LRBA: variants seen among roughly 807,000 people sequenced by gnomAD.
The protein encoded by LRBA is LPS responsive beige-like anchor protein, also known as lipopolysaccharide-responsive and beige-like anchor protein.
Under a neutral mutation model 330.0 loss-of-function variants are expected in LRBA, and 176 were observed. The observed-to-expected ratio is 0.53, with a 90% CI of 0.47 to 0.60. The LOEUF (loss-of-function observed/expected upper bound fraction) is 0.60, where lower values mean the gene tolerates loss of function less well. LRBA is among the 20% of genes least tolerant of loss of function. LRBA has a pLI of 0.00. For synonymous variants in LRBA, 1,230 were observed against 1,193.0 expected, an observed-to-expected ratio of 1.03 and a Z score of -0.64; for missense variants, 3,259 against 3,444.8, an observed-to-expected ratio of 0.95 and a Z score of 1.35.
At chr4:150,689,005 C>G (rs1783870321) in intron 36 of LRBA, among the ~76,000 whole-genome samples, 1 of 152,188 alleles carries the variant, frequency 6.6e-6, no homozygotes. Flanking sequence ...AAGACACATA[C>G]ACAGGTATGT....
chr4:150,661,611 T>C (rs1781112544), intron 37 of LRBA, among the ~76,000 whole-genome samples: 1 of 152,010 alleles, frequency 6.6e-6, no homozygotes, highest in Non-Finnish European at 1.5e-5. Context: ...CATCATGTTT[T>C]ATTTTATTTT....
intron 37 of LRBA, among the ~76,000 whole-genome samples, chr4:150,637,333 T>C (rs1778025495): frequency 1.3e-5 from 2 of 152,218 alleles, no homozygotes. Flanking sequence ...TTAATTACTG[T>C]ATCTTTAAGT....
At chr4:150,897,898 C>T (rs1257795391) in intron 14 of LRBA, 80 bp from the exon 15 acceptor site, 1 of 907,340 alleles carries the variant, frequency 1.1e-6, no homozygotes, top group South Asian at 1.5e-5. Flanking sequence ...TCATTCCCAA[C>T]AGCTTTTCCA....
At chr4:150,872,838 T>C (rs1753592004) in intron 17 of LRBA, 83 bp from the exon 18 acceptor site, 3 of 585,308 alleles carry the variant, frequency 5.1e-6, no homozygotes, top group Admixed American at 6.9e-5. Context: ...TTTCATATTA[T>C]TATAAATCTA....
At chr4:150,664,799 G>A (rs1781427164) in intron 37 of LRBA, among the ~76,000 whole-genome samples, 1 of 152,124 alleles carries the variant, frequency 6.6e-6, no homozygotes, top group South Asian at 2.1e-4. Flanking sequence ...TTCTACTCAT[G>A]AATAGATTAC....
At chr4:150,641,524 C>T (rs1227437390) in intron 37 of LRBA, among the ~76,000 whole-genome samples, 1 of 152,112 alleles carries the variant, frequency 6.6e-6, no homozygotes, top group East Asian at 1.9e-4. Flanking sequence ...AGAATCTCAG[C>T]ATCTTTCACA....
chr4:150,645,148 A>T (rs1401164099), intron 37 of LRBA, among the ~76,000 whole-genome samples: 1 of 151,480 alleles, frequency 6.6e-6, no homozygotes, highest in African/African-American at 2.4e-5. Context: ...AGAAAAAAAA[A>T]AATCTTAACA....
chr4:150,369,111 A>G (rs1739893720), intron 47 of LRBA, among the ~76,000 whole-genome samples: 1 of 152,172 alleles, frequency 6.6e-6, no homozygotes, highest in Non-Finnish European at 1.5e-5. Flanking sequence ...TAGATGTTTG[A>G]AGACTTAGTC....
intron 46 of LRBA, among the ~76,000 whole-genome samples, chr4:150,419,390 T>C (rs986266291): frequency 9.9e-5 from 15 of 152,108 alleles, no homozygotes; most frequent in African/African-American, 3.6e-4. Flanking sequence ...AAGAAAACGA[T>C]GGACTAAAGA....
rs145812385 is a variant in LRBA, at chr4:150,905,880, G to A, written c.1713C>T (p.His571=). 1,515 of 1,613,584 alleles carry A rather than the reference G, an allele frequency of 9.4e-4. 2 individuals carry two copies. Among genetic ancestry groups the A allele is most frequent in the Non-Finnish European group, 1.2e-3 (1,377 of 1,179,638 alleles). The part of the protein sequence containing the change: ...GMPLLKQLCD[H]VLLNPAIWIH... ...TCCATATGGCAGGATTAAGAAGAACGTGATCACACAATTGCTTGAGCAGGG... is the reference window on the plus strand; with the variant it reads ...TCCATATGGCAGGATTAAGAAGAACATGATCACACAATTGCTTGAGCAGGG... Residue 571 remains histidine (H), a synonymous_variant, in exon 13 of 57, where the codon CAC becomes CAT. Transcript: ENST00000651943.
chr4:150,986,974 C>T (rs1052905712), intron 2 of LRBA, among the ~76,000 whole-genome samples: 3 of 152,208 alleles, frequency 2.0e-5, no homozygotes, highest in Admixed American at 6.5e-5. Context: ...ACAATATACC[C>T]TCTGGGGCCA....
chr4:150,798,045 T>A, intron 34 of LRBA, 36 bp downstream of exon 34: 1 of 1,403,722 alleles, frequency 7.1e-7, no homozygotes, highest in Non-Finnish European at 1.0e-6. Context: ...CATGTGATAA[T>A]CTACTTTTAA....
Position 150,928,849 on chromosome 4 carries a change from C to T in LRBA, c.433G>A (p.Asp145Asn), listed in dbSNP as rs1415202928. 6.2e-7 allele frequency: 1 copy of T among 1,613,336 alleles called. No individual in the cohort carries two copies. Among genetic ancestry groups the T allele is most frequent in the East Asian group, 2.2e-5 (1 of 44,856 alleles). ...AAAATCATACCTGCTATCATATTGTCAACTTTTTCAATTTTCCCAAGCACT... is the reference window on the plus strand; with the variant it reads ...AAAATCATACCTGCTATCATATTGTTAACTTTTTCAATTTTCCCAAGCACT... ...EKVLGKIEKV[D>N]NMIADLLVDM... The change falls in exon 3 of 57, where the codon GAC (aspartate) becomes AAC (asparagine). Residue 145 changes from aspartate (D) to asparagine (N), a missense_variant. Coordinates refer to ENST00000651943, the MANE Select transcript of LRBA (RefSeq NM_001364905.1).
chr4:150,934,316 C>T (rs1225318054), intron 2 of LRBA, among the ~76,000 whole-genome samples: 3 of 152,180 alleles, frequency 2.0e-5, no homozygotes, highest in African/African-American at 7.2e-5. Flanking sequence ...CATATTGAGG[C>T]ACATTGGCTA....
intron 38 of LRBA, among the ~76,000 whole-genome samples, chr4:150,591,261 C>A (rs1772795011): frequency 6.6e-6 from 1 of 152,126 alleles, no homozygotes; most frequent in Non-Finnish European, 1.5e-5. Flanking sequence ...CAATGTTATA[C>A]TGACAAACAT....
chr4:150,725,093 C>T (rs1729495735), intron 36 of LRBA, among the ~76,000 whole-genome samples: 1 of 151,626 alleles, frequency 6.6e-6, no homozygotes, highest in South Asian at 2.1e-4. Context: ...AAAAATGAAG[C>T]ATGCCTACAA....
chr4:150,923,405 C>G (rs1201410020), intron 4 of LRBA, among the ~76,000 whole-genome samples: 1 of 152,084 alleles, frequency 6.6e-6, no homozygotes, highest in Non-Finnish European at 1.5e-5. Context: ...CCTGTACTCC[C>G]CTCTTATCCA....
chr4:150,717,635 G>A (rs537413604), intron 36 of LRBA, among the ~76,000 whole-genome samples: 1 of 142,290 alleles, frequency 7.0e-6, no homozygotes, highest in East Asian at 2.0e-4. Context: ...ATTCCAGCCT[G>A]GGTGACATAG....
chr4:150,642,735 T>G (rs373664521), intron 37 of LRBA, among the ~76,000 whole-genome samples: 1 of 151,884 alleles, frequency 6.6e-6, no homozygotes. Context: ...CAATGTTTTG[T>G]AGTCAAATCA....
Sources: gnomAD v4.1 joint callset for allele counts (sites outside exome capture counted in the v4.1 genomes callset) on GRCh38, gnomAD v4.1.1 for gene constraint, MANE v1.5 for transcripts, NCBI Gene and HGNC (gene_info 2026-07-23, HGNC 2026-07-21) for gene names.